Variants in FAF1 observed in about 807,000 individuals in gnomAD.
FAF1 encodes FAS-associated factor 1.
In FAF1, 25 loss-of-function variants were observed where a neutral mutation model predicts 92.5. The ratio of observed to expected loss-of-function variants is 0.27; its 90% CI spans 0.20 to 0.38. FAF1 has a LOEUF of 0.38. Ranked by LOEUF, FAF1 falls within the 10% of genes least tolerant of loss-of-function variation. FAF1 has a pLI of 1.00. For missense variants in FAF1, 636 were observed against 793.3 expected, an observed-to-expected ratio of 0.80 and a Z score of 2.38; for synonymous variants, 234 against 273.2, an observed-to-expected ratio of 0.86 and a Z score of 1.42.
chr1:50,490,303 C>T (rs1329279025), intron 17 of FAF1, among the ~76,000 whole-genome samples: 3 of 151,680 alleles, frequency 2.0e-5, no homozygotes, highest in Admixed American at 2.0e-4. Flanking sequence ...GAGGCTACAA[C>T]GAGCCGAGAT....
At chr1:50,865,679 G>A (rs555282559) in intron 1 of FAF1, among the ~76,000 whole-genome samples, 2,567 of 109,150 alleles carry the variant, frequency 0.024, 109 homozygotes, top group African/African-American at 0.088. Flanking sequence ...CACACTCTGG[G>A]GACTGTTGTG....
chr1:50,761,110 C>T (rs1208109142), intron 4 of FAF1, among the ~76,000 whole-genome samples: 2 of 152,174 alleles, frequency 1.3e-5, no homozygotes, highest in African/African-American at 4.8e-5. Flanking sequence ...AATTCCTCAA[C>T]ACATACACCC....
rs748665682 is a variant in FAF1, at chr1:50,475,635, C to T, written c.1698G>A (p.Lys566=). The change falls in exon 18 of 19, where the codon AAG becomes AAA. Residue 566 remains lysine (K), a synonymous_variant. Transcript: ENST00000396153. ...TGCTCACAGGCTCAGCATTTTCTTCCTTTGGCTCAGGAGGCAGGGCTTGCT... is the reference window on the plus strand; with the variant it reads ...TGCTCACAGGCTCAGCATTTTCTTCTTTTGGCTCAGGAGGCAGGGCTTGCT... ...SLEQALPPEP[K]EENAEPVSKL... is the part of the protein sequence containing the mutation. The T allele has an allele frequency of 1.2e-6, 2 of 1,614,044 alleles. No homozygotes were observed. Among genetic ancestry groups the T allele is most frequent in the Non-Finnish European group, 8.5e-7 (1 of 1,179,968 alleles).
intron 7 of FAF1, among the ~76,000 whole-genome samples, chr1:50,700,151 CT>C (rs796428591): frequency 6.2e-4 from 92 of 147,494 alleles, no homozygotes; most frequent in African/African-American, 6.4e-4. Flanking sequence ...TCATACCCCC[CT>C]TTTTTTTTTT....
rs576719006 is a variant in FAF1 at position 50,826,141 on chromosome 1, G to T, written c.115-24464C>A. Among the ~76,000 whole-genome samples the T allele has an allele frequency of 8.6e-5, 13 of 151,936 alleles. No homozygotes were observed. The South Asian group carries it at 2.7e-3, about 32-fold the overall frequency. On this transcript the variant is annotated intron_variant, in intron 2 of 18. Coordinates refer to ENST00000396153, the MANE Select transcript of FAF1 (RefSeq NM_007051.3). The stretch of plus-strand genomic sequence containing the variant: ...AAGCAAATTAAAACCAAAGAAAGAA[G>T]AATTTAAATGTAAAGATAAATACGA...
intron 2 of FAF1, among the ~76,000 whole-genome samples, chr1:50,819,701 A>G (rs1248717354): frequency 1.8e-5 from 1 of 55,184 alleles, no homozygotes; most frequent in African/African-American, 6.2e-5. Flanking sequence ...ACATATATAT[A>G]TACATATATA....
At chr1:50,466,006 G>A (rs1211898282) in intron 18 of FAF1, among the ~76,000 whole-genome samples, 2 of 152,018 alleles carry the variant, frequency 1.3e-5, no homozygotes, top group African/African-American at 2.4e-5. Flanking sequence ...AGCTATTACA[G>A]GGTTCGAAAA....
intron 7 of FAF1, among the ~76,000 whole-genome samples, chr1:50,670,227 T>C (rs1051231594): frequency 2.0e-5 from 3 of 152,074 alleles, no homozygotes; most frequent in South Asian, 2.1e-4. Flanking sequence ...GGACAGAGTA[T>C]CACCCAGCTA....
intron 2 of FAF1, among the ~76,000 whole-genome samples, chr1:50,843,068 A>C (rs1416842460): frequency 1.3e-5 from 2 of 152,196 alleles, no homozygotes; most frequent in Non-Finnish European, 2.9e-5. Flanking sequence ...AGCTTTATAA[A>C]ATATCACAGC....
chr1:50,520,360 T>C lies in FAF1; in HGVS notation c.1494+15009A>G, dbSNP rs74542839. Among the ~76,000 whole-genome samples, 109 of 152,276 alleles carry C rather than the reference T, an allele frequency of 7.2e-4. 5 individuals are homozygous for C. The East Asian group carries it at 0.02, about 28-fold the overall frequency. On this transcript the variant is annotated intron_variant, in intron 15 of 18. Transcript: ENST00000396153. The stretch of plus-strand genomic sequence containing the variant: ...AGAGGTAAAAGTGACATGTCAAAAA[T>C]ACTAATGGAAGGCAACTGAGTATCC...
intron 7 of FAF1, 66 bp downstream of exon 7, chr1:50,705,720 C>T: frequency 1.1e-6 from 1 of 894,654 alleles, no homozygotes; most frequent in South Asian, 1.4e-5. Context: ...GATAAGCCCT[C>T]TTTAACAGGG....
chr1:50,856,923 C>G (rs1449910298), intron 2 of FAF1, among the ~76,000 whole-genome samples: 1 of 151,520 alleles, frequency 6.6e-6, no homozygotes, highest in African/African-American at 2.4e-5. Context: ...GATTACAGAA[C>G]AGAAGGTATA....
intron 8 of FAF1, among the ~76,000 whole-genome samples, chr1:50,655,120 C>T (rs949169683): frequency 8.0e-4 from 122 of 151,602 alleles, no homozygotes; most frequent in Middle Eastern, 3.4e-3. Context: ...GAGGCGGCCG[C>T]CAAGTGATTC....
chr1:50,605,895 T>A lies in FAF1; in HGVS notation c.745-9679A>T, dbSNP rs1652360188. Among the ~76,000 whole-genome samples, 5 of 152,244 alleles carry A rather than the reference T, an allele frequency of 3.3e-5. No individual in the cohort carries two copies. The South Asian group carries it at 1.0e-3, about 32-fold the overall frequency. On this transcript the variant is annotated intron_variant, in intron 8 of 18. Transcript: ENST00000396153. ...ACTTATTCAATAAATATTAAGTTATTATATGTCAGGCACTTGGATCCAAAT... is the reference window on the plus strand; with the variant it reads ...ACTTATTCAATAAATATTAAGTTATAATATGTCAGGCACTTGGATCCAAAT...
chr1:50,530,275 GTATGTATA>G (rs1468314821), intron 15 of FAF1, among the ~76,000 whole-genome samples: 4 of 139,480 alleles, frequency 2.9e-5, no homozygotes, highest in East Asian at 2.0e-4. Context: ...GTGTGTGTGT[GTATGTATA>G]TATGTATATA....
At chr1:50,954,150 T>C (rs571662981) in intron 1 of FAF1, among the ~76,000 whole-genome samples, 50 of 152,194 alleles carry the variant, frequency 3.3e-4, no homozygotes, top group Admixed American at 1.1e-3. Context: ...AGTTTCACCA[T>C]GTTAGCCAGG....
At chr1:50,594,888 T>TA (rs1553230461) in intron 9 of FAF1, among the ~76,000 whole-genome samples, 174 of 142,422 alleles carry the variant, frequency 1.2e-3, no homozygotes, top group Middle Eastern at 7.4e-3. Context: ...AAAAAAAAAA[T>TA]TATATATATA....
chr1:50,505,610 C>T (rs1647049516), intron 15 of FAF1, among the ~76,000 whole-genome samples: 1 of 152,168 alleles, frequency 6.6e-6, no homozygotes, highest in Admixed American at 6.5e-5. Context: ...TGGGCCAAAA[C>T]TGATTTGTGG....
chr1:50,874,772 T>TC (rs1046507260), intron 1 of FAF1, among the ~76,000 whole-genome samples: 1 of 128,084 alleles, frequency 7.8e-6, no homozygotes, highest in African/African-American at 2.9e-5. Flanking sequence ...TTTTTTTTTT[T>TC]TTTTTTTTTT....
Sources: allele counts gnomAD v4.1 joint callset (sites outside exome capture counted in the v4.1 genomes callset), GRCh38; gene constraint gnomAD v4.1.1; transcripts MANE v1.5; gene names NCBI Gene and HGNC (gene_info 2026-07-23, HGNC 2026-07-21).